SAGE1: variants seen among roughly 807,000 people sequenced by gnomAD.
The protein encoded by SAGE1 is cancer/testis antigen 14.
A neutral mutation model predicts 55.4 loss-of-function variants in SAGE1; 55 were observed. The observed-to-expected ratio is 0.99, with a 90% CI of 0.80 to 1.24. SAGE1 has a LOEUF of 1.24. Among genes scored for constraint, SAGE1 ranks in the 50% most tolerant of loss-of-function variants. The pLI, the probability that SAGE1 is intolerant of heterozygous loss-of-function variation, is 0.00. For synonymous variants in SAGE1, 240 were observed against 244.3 expected (o/e 0.98, Z 0.17); for missense variants, 710 against 704.4 (o/e 1.01, Z -0.09).
chrX:135,912,189 T>A, intron 18 of SAGE1, 132 bp from the exon 19 acceptor site: 2 of 1,096,886 alleles, frequency 1.8e-6, no homozygotes, highest in East Asian at 6.6e-5. Context: ...TGTCGTGATT[T>A]AAGCATTCAA....
rs782009698 is a variant in SAGE1 at position 135,906,412 on chromosome X, T to C, written c.597T>C (p.Tyr199=). The C allele has an allele frequency of 1.4e-5, 17 of 1,209,839 alleles. No individual in the cohort carries two copies. Among genetic ancestry groups the C allele is most frequent in the East Asian group, 3.0e-5 (1 of 33,842 alleles). ...PIPAMSARDL[Y]ATVTHNVCEQ... ...TCAACCTCTTCCTTTGGTTTCCAGA[T>C]GCTACAGTCACTCACAATGTCTGTG... Residue 199 remains tyrosine, a splice_region_variant and synonymous_variant, in exon 7 of 20, where the codon TAT becomes TAC. Transcript: ENST00000370709.
At chrX:135,906,643 G>A (rs1471782256) in intron 7 of SAGE1, 92 bp downstream of exon 7, 77 of 1,055,000 alleles carry the variant, frequency 7.3e-5, no homozygotes, top group African/African-American at 5.5e-4. Flanking sequence ...TTGTATTGTC[G>A]TTCCTGGTAT....
intron 2 of SAGE1, among the ~76,000 whole-genome samples, chrX:135,898,497 G>A (rs150412900): frequency 0.061 from 6,805 of 111,462 alleles, 157 homozygotes; most frequent in South Asian, 0.086. Flanking sequence ...ATATTTCTCT[G>A]GGTATATACC....
intron 2 of SAGE1, among the ~76,000 whole-genome samples, chrX:135,900,129 T>C (rs1469422687): frequency 1.8e-5 from 2 of 111,083 alleles, no homozygotes; most frequent in African/African-American, 6.6e-5. Flanking sequence ...GGCTGTGGGT[T>C]TGTCATATAT....
rs999534829 is a variant in SAGE1, at chrX:135,912,268, G to A, written c.2522-53G>A. On this transcript the variant is annotated intron_variant, in intron 18 of 19. Coordinates refer to ENST00000370709, the MANE Select transcript of SAGE1 (RefSeq NM_001381902.1). ...GTGGTAGTGGATGCACTAAGATTGA[G>A]GTATATTTCATTTTTGTAATTGTAG... 5.1e-6 allele frequency: 6 copies of A among 1,168,040 alleles called. No homozygotes were observed. In the African/African-American group the frequency reaches 9.1e-5, roughly 18 times the overall value.
chrX:135,910,812 C>T (rs548878103), intron 16 of SAGE1, among the ~76,000 whole-genome samples: 2 of 110,860 alleles, frequency 1.8e-5, no homozygotes, highest in South Asian at 7.8e-4. Flanking sequence ...CAAATGCAAC[C>T]GTTACTCACC....
rs2088562343 is a variant in SAGE1, at chrX:135,895,011, T to TG, written c.-1+1230_-1+1231insG. On this transcript the variant is annotated intron_variant, in intron 1 of 19. Transcript: ENST00000370709. ...AAGTTTGTTTGTTTGTTTGTTTGTT[T>TG]TTTAACTTAAAGGAAAGTATGTATT... Among the ~76,000 whole-genome samples, 95 of 109,015 alleles carry TG rather than the reference T, an allele frequency of 8.7e-4. 1 individual carries two copies. The highest frequency in any genetic ancestry group is 1.6e-3 in the South Asian group (4 of 2,568). The allele number at this position is 109,015 out of a possible 115,157, so 94.7% of individuals were successfully genotyped here. A position where few individuals can be genotyped will look rare whatever the true frequency, so the allele number is the denominator to read the frequency against.
chrX:135,907,548 C>A, intron 9 of SAGE1, 95 bp downstream of exon 9: 1 of 1,000,054 alleles, frequency 1.0e-6, no homozygotes, highest in Non-Finnish European at 1.4e-6. Flanking sequence ...GATTCTCTTT[C>A]ATGAGCTCAA....
chrX:135,904,924 A>G (rs1556599428), intron 4 of SAGE1, among the ~76,000 whole-genome samples: 1 of 111,644 alleles, frequency 9.0e-6, no homozygotes, highest in African/African-American at 3.3e-5. Flanking sequence ...CCCCAACGAG[A>G]TAATGTCATG....
chrX:135,896,432 T>G, intron 2 of SAGE1, 103 bp downstream of exon 2: 1 of 552,510 alleles, frequency 1.8e-6, no homozygotes, highest in Non-Finnish European at 2.9e-6. Context: ...ATTCTCTTGA[T>G]TTAAAAGATA....
At position 135,910,464 on chromosome X, in the gene SAGE1, A is replaced by G. The variant is rs782231339; in HGVS notation, c.1914A>G (p.Gln638=). 1 of 1,210,297 alleles carries G rather than the reference A, an allele frequency of 8.3e-7. No individual in the cohort carries two copies. The highest frequency in any genetic ancestry group is 3.0e-5 in the East Asian group (1 of 33,815). ...GTGAAGAGAAGATAAATAACAGCCA[A>G]CCAGCACCTGGTAACATCTTGTCAA... ...NIREEKINNS[Q]PAPGNILSTA... is the part of the protein sequence containing the mutation. Residue 638 remains glutamine (Q), a synonymous_variant, in exon 16 of 20, where the codon CAA becomes CAG. Coordinates refer to ENST00000370709, the MANE Select transcript of SAGE1 (RefSeq NM_001381902.1).
intron 17 of SAGE1, 110 bp from the exon 18 acceptor site, chrX:135,911,469 T>C: frequency 4.6e-6 from 4 of 870,011 alleles, no homozygotes; most frequent in African/African-American, 2.0e-5. Flanking sequence ...ACCTGGTGTA[T>C]CCTCTTGCTT....
In SAGE1 at chrX:135,908,542, G is replaced by A. The variant is rs151288559; in HGVS notation, c.1366G>A (p.Val456Ile). Residue 456 changes from valine (V) to isoleucine (I), a missense_variant, in exon 12 of 20, where the codon GTC becomes ATC. Coordinates refer to ENST00000370709, the MANE Select transcript of SAGE1 (RefSeq NM_001381902.1). ...AAATGGCCAACGAAAACAGGATAAC[G>A]TCTTGTCAAATGTTCTATCCGGGCT... is the stretch of plus-strand genomic sequence containing the variant. ...MENGQRKQDN[V>I]LSNVLSGLIN... The A allele has an allele frequency of 1.8e-4, 221 of 1,206,076 alleles. 1 individual carries two copies. The African/African-American group carries it at 2.9e-3, about 16-fold the overall frequency.
At chrX:135,901,444 G>T in intron 2 of SAGE1, 115 bp from the exon 3 acceptor site, 2 of 762,470 alleles carry the variant, frequency 2.6e-6, no homozygotes, top group Admixed American at 6.4e-5. Flanking sequence ...TCTTTGACCT[G>T]TGACTAAAAC....
Position 135,905,368 on chromosome X carries a change from C to T in SAGE1, c.430C>T (p.Pro144Ser), listed in dbSNP as rs781836022. Residue 144 changes from proline to serine, a missense_variant, in exon 5 of 20, where the codon CCA (proline) becomes TCA (serine). Physicochemically the swap from Pro to Ser is moderately conservative, Grantham distance 74. Transcript: ENST00000370709. ...QLVHMAAAGI[P>S]SMSTRDLHST... is the part of the protein sequence containing the mutation. ...TGTTCATATGGCTGCAGCTGGTATTCCATCCATGAGTACCAGGGATCTGCG... is the reference window on the plus strand; with the variant it reads ...TGTTCATATGGCTGCAGCTGGTATTTCATCCATGAGTACCAGGGATCTGCG... The T allele has an allele frequency of 6.6e-6, 8 of 1,206,648 alleles. No individual in the cohort carries two copies. The highest frequency in any genetic ancestry group is 2.3e-4 in the Middle Eastern group (1 of 4,361).
chrX:135,912,166 A>C, intron 18 of SAGE1, 155 bp from the exon 19 acceptor site: 1 of 749,919 alleles, frequency 1.3e-6, no homozygotes, highest in South Asian at 6.8e-5. Flanking sequence ...TAGTTTCCTT[A>C]GTAATATACA....
rs999565775 is a variant in SAGE1 at position 135,912,716 on chromosome X, C to A, written c.2616-82C>A. On this transcript the variant is annotated intron_variant, in intron 19 of 19. Coordinates refer to ENST00000370709, the MANE Select transcript of SAGE1 (RefSeq NM_001381902.1). Reference sequence around the variant, plus strand: ...TCTGTTTGCATGTAGATGGTAAATTCTATTTTGTATCCACTCTACCTCTTA... The same window carrying A: ...TCTGTTTGCATGTAGATGGTAAATTATATTTTGTATCCACTCTACCTCTTA... 36 of 1,142,433 alleles carry A rather than the reference C, an allele frequency of 3.2e-5. No individual in the cohort carries two copies. The South Asian group carries it at 4.2e-4, about 13-fold the overall frequency. The allele number at this position is 1,142,433 out of a possible 1,213,427, so 94.1% of individuals were successfully genotyped here. A position where few individuals can be genotyped will look rare whatever the true frequency, so the allele number is the denominator to read the frequency against.
chrX:135,910,102 C>T lies in SAGE1; in HGVS notation c.1796C>T (p.Ser599Leu), dbSNP rs781798413. The T allele has an allele frequency of 4.2e-6, 5 of 1,203,870 alleles. No individual in the cohort carries two copies. The East Asian group carries it at 8.9e-5, about 21-fold the overall frequency. The stretch of plus-strand genomic sequence containing the variant: ...CAAGCAGCATCCGATAATGTCTTCT[C>T]GACTGTTCCACCAGCATTTATTAAT... ...NGQAASDNVF[S>L]TVPPAFINMA... Residue 599 changes from serine to leucine, a missense_variant, in exon 15 of 20, where the codon TCG becomes TTG. Ser to Leu is a moderately radical substitution (Grantham distance 145, BLOSUM62 -2). Transcript: ENST00000370709.
chrX:135,912,663 G>A, intron 19 of SAGE1, 135 bp from the exon 20 acceptor site: 1 of 1,103,706 alleles, frequency 9.1e-7, no homozygotes, highest in Non-Finnish European at 1.2e-6. Context: ...TATTTTTCTA[G>A]TTTGTATCTT....
Sources: gnomAD v4.1 joint callset for allele counts (sites outside exome capture counted in the v4.1 genomes callset) on GRCh38, gnomAD v4.1.1 for gene constraint, MANE v1.5 for transcripts, NCBI Gene and HGNC (gene_info 2026-07-23, HGNC 2026-07-21) for gene names.